FBXL7: variants seen among roughly 807,000 people sequenced by gnomAD.
FBXL7 encodes the protein F-box and leucine rich repeat protein 7.
In FBXL7, 12 loss-of-function variants were observed where a neutral mutation model predicts 38.3. That is an observed-to-expected ratio of 0.31 (90% CI 0.20 to 0.51). The LOEUF is 0.51. Among genes scored for constraint, FBXL7 ranks in the 20% least tolerant of loss-of-function variants. The pLI is 0.98. For synonymous variants in FBXL7, 297 were observed against 300.9 expected, an observed-to-expected ratio of 0.99 and a Z score of 0.13; for missense variants, 567 against 676.4, an observed-to-expected ratio of 0.84 and a Z score of 1.79.
At chr5:15,609,787 C>T (rs1740164738) in intron 1 of FBXL7, among the ~76,000 whole-genome samples, 1 of 152,188 alleles carries the variant, frequency 6.6e-6, no homozygotes, top group African/African-American at 2.4e-5. Context: ...GCTGGCTGAG[C>T]AGTCTTGAGG....
intron 1 of FBXL7, among the ~76,000 whole-genome samples, chr5:15,503,842 G>T (rs1243871104): frequency 7.2e-5 from 11 of 152,218 alleles, no homozygotes; most frequent in Admixed American, 5.2e-4. Context: ...TGACATCGCT[G>T]TGCAAATGTT....
intron 1 of FBXL7, among the ~76,000 whole-genome samples, chr5:15,527,548 A>G (rs1330223945): frequency 2.0e-5 from 3 of 152,320 alleles, no homozygotes; most frequent in South Asian, 4.1e-4. Flanking sequence ...TTTACTTTAA[A>G]GAGTTTTCTC....
chr5:15,748,802 A>C (rs1231404987), intron 2 of FBXL7, among the ~76,000 whole-genome samples: 1 of 152,168 alleles, frequency 6.6e-6, no homozygotes, highest in Non-Finnish European at 1.5e-5. Flanking sequence ...TTGGGGACTC[A>C]AGTGATATTC....
At chr5:15,562,834 T>C (rs187998772) in intron 1 of FBXL7, among the ~76,000 whole-genome samples, 2 of 152,134 alleles carry the variant, frequency 1.3e-5, no homozygotes, top group Non-Finnish European at 2.9e-5. Flanking sequence ...AAGGTGAAAA[T>C]CCCTGCCTTA....
rs545470733 is a variant in FBXL7, at chr5:15,831,240, A to G, written c.128-96650A>G. Among the ~76,000 whole-genome samples the G allele has an allele frequency of 5.3e-5, 8 of 152,242 alleles. No homozygotes were observed. The South Asian group carries it at 1.7e-3, about 32-fold the overall frequency. On this transcript the variant is annotated intron_variant, in intron 2 of 3. Coordinates refer to ENST00000504595, the MANE Select transcript of FBXL7 (RefSeq NM_012304.5). Reference sequence around the variant, plus strand: ...GATTGTTTTGTCTCAGGTATCTGAGAAGAGGTGGGAAAGGGAGTAGACAAG... The same window carrying G: ...GATTGTTTTGTCTCAGGTATCTGAGGAGAGGTGGGAAAGGGAGTAGACAAG...
At chr5:15,714,848 CAAAAAA>C (rs35229749) in intron 2 of FBXL7, among the ~76,000 whole-genome samples, 2 of 76,668 alleles carry the variant, frequency 2.6e-5, no homozygotes, top group Non-Finnish European at 4.8e-5. Flanking sequence ...GAGTCCGTCT[CAAAAAA>C]AAAAAAAAAA....
intron 2 of FBXL7, among the ~76,000 whole-genome samples, chr5:15,764,207 A>G (rs1014116230): frequency 2.1e-4 from 32 of 152,356 alleles, no homozygotes; most frequent in African/African-American, 7.7e-4. Context: ...GTGTTTCATA[A>G]AATGGAGACT....
chr5:15,801,678 T>C (rs1442221419), intron 2 of FBXL7, among the ~76,000 whole-genome samples: 31 of 149,054 alleles, frequency 2.1e-4, no homozygotes, highest in Non-Finnish European at 4.0e-4. Context: ...TGTGTGTGTG[T>C]TTGTGTGTGT....
intron 2 of FBXL7, among the ~76,000 whole-genome samples, chr5:15,822,469 T>C (rs1450332814): frequency 6.6e-6 from 1 of 152,166 alleles, no homozygotes; most frequent in African/African-American, 2.4e-5. Flanking sequence ...CTTTCCTCCC[T>C]AGAAATTCTT....
chr5:15,677,936 C>T (rs1248478053), intron 2 of FBXL7, among the ~76,000 whole-genome samples: 1 of 152,184 alleles, frequency 6.6e-6, no homozygotes, highest in African/African-American at 2.4e-5. Context: ...AACCACCTTT[C>T]ACCTTCCTAA....
At chr5:15,645,635 A>G (rs1741505567) in intron 2 of FBXL7, among the ~76,000 whole-genome samples, 1 of 152,216 alleles carries the variant, frequency 6.6e-6, no homozygotes, top group Non-Finnish European at 1.5e-5. Flanking sequence ...CCTAGGCAAA[A>G]TAAACTTTCT....
intron 2 of FBXL7, among the ~76,000 whole-genome samples, chr5:15,634,504 T>G (rs1015643989): frequency 8.4e-6 from 1 of 118,418 alleles, no homozygotes; most frequent in African/African-American, 3.5e-5. Flanking sequence ...GTATTTTTAG[T>G]TGGGGGGGGG....
At chr5:15,664,469 CTTTTTTTTTT>C (rs34999340) in intron 2 of FBXL7, among the ~76,000 whole-genome samples, 29 of 105,548 alleles carry the variant, frequency 2.7e-4, no homozygotes, top group African/African-American at 5.5e-4. Flanking sequence ...TTTTCTTTTC[CTTTTTTTTTT>C]TTTTTTTTTT....
chr5:15,677,464 AAAAG>A (rs892788489), intron 2 of FBXL7, among the ~76,000 whole-genome samples: 3 of 142,886 alleles, frequency 2.1e-5, no homozygotes, highest in African/African-American at 8.1e-5. Context: ...AACACTCCAA[AAAAG>A]AAAGAAAGAG....
At chr5:15,922,569 C>T (rs1165380826) in intron 2 of FBXL7, among the ~76,000 whole-genome samples, 1 of 152,086 alleles carries the variant, frequency 6.6e-6, no homozygotes, top group Non-Finnish European at 1.5e-5. Context: ...AAGGCCTTCT[C>T]AGAATTTAAG....
intron 2 of FBXL7, among the ~76,000 whole-genome samples, chr5:15,669,851 C>A (rs1428460787): frequency 1.3e-5 from 2 of 152,210 alleles, no homozygotes; most frequent in African/African-American, 4.8e-5. Context: ...TACTTGCTGT[C>A]CCTTCTTGAG....
intron 2 of FBXL7, among the ~76,000 whole-genome samples, chr5:15,767,109 A>G (rs1294535861): frequency 6.6e-6 from 1 of 152,138 alleles, no homozygotes; most frequent in Non-Finnish European, 1.5e-5. Context: ...CCCTTCAGCT[A>G]GTTATTCAGC....
At chr5:15,741,620 TCTTTAAA>T (rs1333217083) in intron 2 of FBXL7, among the ~76,000 whole-genome samples, 2 of 152,154 alleles carry the variant, frequency 1.3e-5, no homozygotes, top group African/African-American at 4.8e-5. Context: ...AAATTACAAA[TCTTTAAA>T]CCACATCTGG....
chr5:15,766,307 A>G (rs376553764), intron 2 of FBXL7, among the ~76,000 whole-genome samples: 16 of 152,108 alleles, frequency 1.1e-4, no homozygotes, highest in African/African-American at 3.9e-4. Context: ...TACCCACTAT[A>G]TTGAATGTAG....
Sources: allele counts gnomAD v4.1 joint callset (sites outside exome capture counted in the v4.1 genomes callset), GRCh38; gene constraint gnomAD v4.1.1; transcripts MANE v1.5; gene names NCBI Gene and HGNC (gene_info 2026-07-23, HGNC 2026-07-21).